Variants in DAAM2 observed in about 807,000 individuals in gnomAD.
The protein encoded by DAAM2 is disheveled-associated activator of morphogenesis 2.
A neutral mutation model predicts 120.7 loss-of-function variants in DAAM2; 39 were observed. The ratio of observed to expected loss-of-function variants is 0.32; its 90% confidence interval spans 0.25 to 0.42. DAAM2 has a LOEUF of 0.42. Ranked by LOEUF, DAAM2 falls within the 10% of genes least tolerant of loss-of-function variation. DAAM2 has a pLI of 1.00. For missense variants in DAAM2, 1,283 were observed against 1,401.7 expected, an observed-to-expected ratio of 0.92 and a Z score of 1.35; for synonymous variants, 488 against 524.9, an observed-to-expected ratio of 0.93 and a Z score of 0.96.
chr6:39,860,950 A>G lies in DAAM2; in HGVS notation c.191A>G (p.Lys64Arg). Residue 64 changes from lysine to arginine, a missense_variant, in exon 3 of 25, where the codon AAA (lysine) becomes AGA (arginine). Physicochemically the swap from Lys to Arg is conservative, Grantham distance 26 (BLOSUM62 2). Around this residue, in one of 3 missense-constraint regions of DAAM2, gnomAD observed 197 missense variants for 189.3 expected, o/e 1.04. Coordinates refer to ENST00000274867, the MANE Select transcript of DAAM2 (RefSeq NM_001201427.2). Reference sequence around the variant, plus strand: ...CAGGATGAATTGGATCTCACTGACAAAAACCGAGAGGCTATGTTTGCACTG... The same window carrying G: ...CAGGATGAATTGGATCTCACTGACAGAAACCGAGAGGCTATGTTTGCACTG... ...ELVDELDLTD[K>R]NREAMFALPP... 3.1e-6 allele frequency: 5 copies of G among 1,603,330 alleles called. No homozygotes were observed. The East Asian group carries it at 8.9e-5, about 29-fold the overall frequency.
chr6:39,822,873 G>A (rs1451607083), intron 1 of DAAM2: 2 of 152,262 alleles, frequency 1.3e-5, no homozygotes, highest in Non-Finnish European at 2.9e-5. Flanking sequence ...CCATAGCCTG[G>A]GTCCTCACCC....
chr6:39,830,290 A>C (rs1377232113), intron 1 of DAAM2, among the ~76,000 whole-genome samples: 1 of 152,282 alleles, frequency 6.6e-6, no homozygotes, highest in East Asian at 1.9e-4. Flanking sequence ...CATGACTCTC[A>C]GAGAAGTTGC....
rs561525376 is a variant in DAAM2 at position 39,900,337 on chromosome 6, T to C, written c.2811+129T>C. The C allele has an allele frequency of 1.1e-4, 120 of 1,080,870 alleles. 1 individual carries two copies. In the African/African-American group the frequency reaches 1.7e-3, roughly 15 times the overall value. The allele number at this position is 1,080,870 out of a possible 1,614,324, so 67.0% of individuals were successfully genotyped here. A position where few individuals can be genotyped will look rare whatever the true frequency, so the allele number is the denominator to read the frequency against. Reference sequence around the variant, plus strand: ...TACAGAGCTTTGAGAGAAAACCGTTTCTTCGCTCTTAACAAGACAAGCAAT... The same window carrying C: ...TACAGAGCTTTGAGAGAAAACCGTTCCTTCGCTCTTAACAAGACAAGCAAT... On this transcript the variant is annotated intron_variant, in intron 23 of 24. Transcript: ENST00000274867.
At position 39,902,067 on chromosome 6, in the gene DAAM2, G is replaced by GAGAC. The variant is rs1306166775; in HGVS notation, c.*33_*36dup. ...GGGAACTAGCCACACAGGAGGCCGGGAGACAGGGACTGGTGAGAATGGGGC... is the reference window on the plus strand; with the variant it reads ...GGGAACTAGCCACACAGGAGGCCGGGAGACAGACAGGGACTGGTGAGAATGGGGC... On this transcript the variant is annotated 3_prime_UTR_variant, in exon 25 of 25. Transcript: ENST00000274867. The GAGAC allele has an allele frequency of 6.4e-7, 1 of 1,564,128 alleles. No individual in the cohort carries two copies. Among genetic ancestry groups the GAGAC allele is most frequent in the Non-Finnish European group, 8.7e-7 (1 of 1,145,466 alleles).
chr6:39,861,273 A>G, intron 3 of DAAM2: 4 of 518,970 alleles, frequency 7.7e-6, no homozygotes, highest in South Asian at 7.3e-5. Context: ...GCTTGCTGGG[A>G]GACAGACAAA....
intron 1 of DAAM2, among the ~76,000 whole-genome samples, chr6:39,843,285 C>T (rs907742496): frequency 2.0e-5 from 3 of 151,948 alleles, no homozygotes; most frequent in African/African-American, 4.8e-5. Flanking sequence ...ACAACATGGT[C>T]GGAAAGCAGG....
At chr6:39,858,647 A>G (rs1351132560) in intron 2 of DAAM2, among the ~76,000 whole-genome samples, 1 of 152,180 alleles carries the variant, frequency 6.6e-6, no homozygotes, top group Non-Finnish European at 1.5e-5. Flanking sequence ...TTATTTATTT[A>G]TGAATAAACA....
chr6:39,810,434 G>A (rs1323235115), intron 1 of DAAM2, among the ~76,000 whole-genome samples: 1 of 152,232 alleles, frequency 6.6e-6, no homozygotes, highest in Non-Finnish European at 1.5e-5. Context: ...GTATGGCAGA[G>A]TCTGCAGAAA....
Position 39,903,545 on chromosome 6 carries a change from T to C in DAAM2, c.*1508T>C, listed in dbSNP as rs1766606608. On this transcript the variant is annotated 3_prime_UTR_variant, in exon 25 of 25. Transcript: ENST00000274867. ...TACCACGTTCCGAGTTGGCCTTTCA[T>C]CTTCTTTGAGACTGGCCCTGCCTAA... The C allele has an allele frequency of 6.6e-6, 1 of 152,460 alleles. No individual in the cohort carries two copies. The highest frequency in any genetic ancestry group is 2.4e-5 in the African/African-American group (1 of 41,464). The allele number at this position is 152,460 out of a possible 1,614,324, so 9.4% of individuals were successfully genotyped here. A position where few individuals can be genotyped will look rare whatever the true frequency, so the allele number is the denominator to read the frequency against.
intron 1 of DAAM2, among the ~76,000 whole-genome samples, chr6:39,808,797 C>T (rs991160865): frequency 6.6e-6 from 1 of 152,210 alleles, no homozygotes; most frequent in Non-Finnish European, 1.5e-5. Flanking sequence ...AACCCCTTAT[C>T]GGGTTGGCGT....
intron 4 of DAAM2, 78 bp from the exon 5 acceptor site, chr6:39,864,902 A>G: frequency 6.5e-7 from 1 of 1,534,928 alleles, no homozygotes; most frequent in South Asian, 1.2e-5. Context: ...TGAGGCAAGC[A>G]TGGCCCCTGG....
At chr6:39,803,508 A>G (rs1462425359) in intron 1 of DAAM2, among the ~76,000 whole-genome samples, 1 of 152,184 alleles carries the variant, frequency 6.6e-6, no homozygotes, top group Admixed American at 6.5e-5. Flanking sequence ...CAGCAATCCC[A>G]TGAGATGGGG....
intron 1 of DAAM2, among the ~76,000 whole-genome samples, chr6:39,837,493 T>TCTCTACTA (rs1202174771): frequency 6.6e-6 from 1 of 151,218 alleles, no homozygotes; most frequent in African/African-American, 2.4e-5. Flanking sequence ...TGAAACCCCG[T>TCTCTACTA]CTCTACTAAA....
chr6:39,813,992 G>A (rs1020287552), intron 1 of DAAM2, among the ~76,000 whole-genome samples: 3 of 152,154 alleles, frequency 2.0e-5, no homozygotes, highest in South Asian at 4.1e-4. Flanking sequence ...CTGGGGGAAA[G>A]GGGCCCTAAA....
At chr6:39,898,098 G>A (rs1766229255) in intron 21 of DAAM2, among the ~76,000 whole-genome samples, 1 of 152,204 alleles carries the variant, frequency 6.6e-6, no homozygotes, top group African/African-American at 2.4e-5. Flanking sequence ...GCCAGAGATA[G>A]AAAGAATGCC....
At chr6:39,842,666 A>C (rs1310273007) in intron 1 of DAAM2, among the ~76,000 whole-genome samples, 1 of 152,150 alleles carries the variant, frequency 6.6e-6, no homozygotes, top group Non-Finnish European at 1.5e-5. Flanking sequence ...AAAATCAATG[A>C]ATACAAGATA....
intron 15 of DAAM2, chr6:39,884,416 G>T (rs1015584834): frequency 9.3e-6 from 2 of 213,986 alleles, no homozygotes; most frequent in South Asian, 2.0e-4. Context: ...AGGTAGAGTC[G>T]CAAGGCCTGA....
At position 39,901,214 on chromosome 6, in the gene DAAM2, T is replaced by TG. The variant is rs1766460083; in HGVS notation, c.2812-87dup. The TG allele has an allele frequency of 7.8e-7, 1 of 1,286,932 alleles. No homozygotes were observed. Among genetic ancestry groups the TG allele is most frequent in the South Asian group, 1.4e-5 (1 of 72,738 alleles). The allele number at this position is 1,286,932 out of a possible 1,614,324, so 79.7% of individuals were successfully genotyped here. On this transcript the variant is annotated intron_variant, in intron 23 of 24. Transcript: ENST00000274867. The surrounding 1 kb of genome is among the most constrained non-coding windows in gnomAD (Gnocchi z 4.5). ...CAGTCCCCAGCCTTGCGCTGGGCTC[T>TG]GCTCTGGCTAGAACCCAGCTAACCT...
At chr6:39,900,774 G>A (rs879577012) in intron 23 of DAAM2, among the ~76,000 whole-genome samples, 2 of 152,098 alleles carry the variant, frequency 1.3e-5, no homozygotes, top group Non-Finnish European at 2.9e-5. Flanking sequence ...TTTCTTAGAG[G>A]ATACTGAGTG....
Sources: gnomAD v4.1 joint callset for allele counts (sites outside exome capture counted in the v4.1 genomes callset) on GRCh38, gnomAD v4.1.1 for gene constraint, gnomAD v4.1.1 regional missense constraint, Gnocchi (gnomAD v3.1) non-coding constraint, MANE v1.5 for transcripts, NCBI Gene and HGNC (gene_info 2026-07-23, HGNC 2026-07-21) for gene names.